The following TOGARAM2 variants were observed in gnomAD, a reference collection of about 807,000 sequenced individuals.
The protein encoded by TOGARAM2 is TOG array regulator of axonemal microtubules 2.
In TOGARAM2, 85 loss-of-function variants were observed where a neutral mutation model predicts 93.3. The ratio of observed to expected loss-of-function variants is 0.91; its 90% CI spans 0.76 to 1.09. The LOEUF is 1.09. Ranked by LOEUF, TOGARAM2 falls within the 50% of genes least tolerant of loss-of-function variation. TOGARAM2 has a pLI of 0.00. For missense variants in TOGARAM2, 1,277 were observed against 1,334.5 expected, an observed-to-expected ratio of 0.96 and a Z score of 0.67; for synonymous variants, 593 against 552.8, an observed-to-expected ratio of 1.07 and a Z score of -1.02.
intron 14 of TOGARAM2, among the ~76,000 whole-genome samples, chr2:29,030,125 TA>T (rs978659968): frequency 2.6e-5 from 4 of 151,652 alleles, no homozygotes; most frequent in Non-Finnish European, 5.9e-5. Context: ...AATACCAAAA[TA>T]TTAGCCGGGC....
In TOGARAM2 at chr2:29,024,379, G is replaced by A; in HGVS notation, c.1853+5G>A. ...CCTCACCTCGGCGGGTGTCTAGTAT[G>A]TGGCTGCCTGTTGTCTGAGGGGCGG... is the stretch of plus-strand genomic sequence containing the variant. On this transcript the variant is annotated splice_donor_5th_base_variant and intron_variant, in intron 13 of 19. Coordinates refer to ENST00000379558, the MANE Select transcript of TOGARAM2 (RefSeq NM_199280.4). 6.3e-7 allele frequency: 1 copy of A among 1,596,838 alleles called. No homozygotes were observed. Among genetic ancestry groups the A allele is most frequent in the African/African-American group, 1.3e-5 (1 of 74,746 alleles).
chr2:28,968,815 C>CAA lies in TOGARAM2; in HGVS notation c.-147+12142_-147+12143dup, dbSNP rs58495032. Among the ~76,000 whole-genome samples, 31 of 41,810 alleles carry CAA rather than the reference C, an allele frequency of 7.4e-4. 2 individuals carry two copies. Among genetic ancestry groups the CAA allele is most frequent in the African/African-American group, 2.0e-3 (24 of 12,040 alleles). 27.4% of individuals were successfully genotyped at this position (41,810 alleles called of 152,430 possible). A position where few individuals can be genotyped will look rare whatever the true frequency, so the allele number is the denominator to read the frequency against. On this transcript the variant is annotated intron_variant, in intron 1 of 6. Transcript: ENST00000401723. Reference sequence around the variant, plus strand: ...CCAGGGTGACAGAGTGAGACTCTGTCAAAAAAAAAAAAAAAAAAAAAAAAA... The same window carrying CAA: ...CCAGGGTGACAGAGTGAGACTCTGTCAAAAAAAAAAAAAAAAAAAAAAAAAAA...
In TOGARAM2 at chr2:29,022,204, A is replaced by G; in HGVS notation, c.1407A>G (p.Glu469=). ...TCACGTTGGGGTCTCCTGAATGGGAAGAAGAGGAGGAGATGGATCTTAGAG... is the reference window on the plus strand; with the variant it reads ...TCACGTTGGGGTCTCCTGAATGGGAGGAAGAGGAGGAGATGGATCTTAGAG... ...AVLTLGSPEW[E]EEEEMDLRAC... The change falls in exon 11 of 20, where the codon GAA becomes GAG. Residue 469 remains glutamate (E), a synonymous_variant. Coordinates refer to ENST00000379558, the MANE Select transcript of TOGARAM2 (RefSeq NM_199280.4). 8 of 1,614,022 alleles carry G rather than the reference A, an allele frequency of 5.0e-6. No homozygotes were observed. Among genetic ancestry groups the G allele is most frequent in the Non-Finnish European group, 6.8e-6 (8 of 1,179,884 alleles).
intron 1 of TOGARAM2, among the ~76,000 whole-genome samples, chr2:28,993,838 C>T (rs1035754195): frequency 1.3e-5 from 2 of 152,198 alleles, no homozygotes; most frequent in Non-Finnish European, 2.9e-5. Context: ...TTTCTCAGTT[C>T]CTGAGTTGGG....
At chr2:28,996,876 C>CT (rs1453577595) in intron 2 of TOGARAM2, among the ~76,000 whole-genome samples, 1 of 143,504 alleles carries the variant, frequency 7.0e-6, no homozygotes, top group Non-Finnish European at 1.5e-5. Context: ...GGATTTGATT[C>CT]TTTTTTTATT....
rs563781846 is a variant in TOGARAM2 at position 28,975,289 on chromosome 2, T to C, written c.-147+18592T>C. Among the ~76,000 whole-genome samples the C allele has an allele frequency of 3.3e-5, 5 of 151,918 alleles. No individual in the cohort carries two copies. The East Asian group carries it at 7.8e-4, about 24-fold the overall frequency. On this transcript the variant is annotated intron_variant, in intron 1 of 6. Transcript: ENST00000401723. ...CTGCAAGCTCCACCTCCCAGGTTCATGCCATTCTCCTGCCTCAGCCTCCTG... is the reference window on the plus strand; with the variant it reads ...CTGCAAGCTCCACCTCCCAGGTTCACGCCATTCTCCTGCCTCAGCCTCCTG...
chr2:28,985,861 TG>T (rs1411421616), intron 1 of TOGARAM2, among the ~76,000 whole-genome samples: 2 of 152,154 alleles, frequency 1.3e-5, no homozygotes, highest in Non-Finnish European at 2.9e-5. Context: ...CCCAGCATTT[TG>T]GGAGGCTGAG....
chr2:28,983,198 A>ATTTT (rs57949744), intron 1 of TOGARAM2, among the ~76,000 whole-genome samples: 3 of 56,626 alleles, frequency 5.3e-5, no homozygotes, highest in African/African-American at 2.5e-4. Context: ...ATATATATAT[A>ATTTT]TTTTTTTTTT....
At chr2:29,016,448 A>G (rs1664576572) in intron 8 of TOGARAM2, among the ~76,000 whole-genome samples, 1 of 152,206 alleles carries the variant, frequency 6.6e-6, no homozygotes, top group African/African-American at 2.4e-5. Flanking sequence ...AGATATTATC[A>G]CTGGGGAAGG....
At chr2:28,972,298 AG>A (rs773524337) in intron 1 of TOGARAM2, 1 of 152,150 alleles carries the variant, frequency 6.6e-6, no homozygotes, top group Non-Finnish European at 1.5e-5. Flanking sequence ...CATGTTGCCT[AG>A]GGTGGTTTTG....
chr2:29,012,925 C>A (rs994860677), intron 7 of TOGARAM2, among the ~76,000 whole-genome samples: 24 of 152,230 alleles, frequency 1.6e-4, no homozygotes, highest in Non-Finnish European at 2.8e-4. Flanking sequence ...CCTCTTCCCC[C>A]TTGGCCCTTG....
chr2:28,966,949 A>G (rs1671874797), intron 1 of TOGARAM2, among the ~76,000 whole-genome samples: 1 of 152,326 alleles, frequency 6.6e-6, no homozygotes, highest in East Asian at 1.9e-4. Flanking sequence ...GAGAAATTTC[A>G]TATGTAAAAG....
At position 28,999,248 on chromosome 2, in the gene TOGARAM2, C is replaced by G; in HGVS notation, c.207C>G (p.Leu69=). 2.5e-6 allele frequency: 4 copies of G among 1,613,808 alleles called. No individual in the cohort carries two copies. Among genetic ancestry groups the G allele is most frequent in the Non-Finnish European group, 3.4e-6 (4 of 1,179,842 alleles). The change falls in exon 4 of 20, where the codon CTC becomes CTG. Residue 69 remains leucine (L), a synonymous_variant. Coordinates refer to ENST00000379558, the MANE Select transcript of TOGARAM2 (RefSeq NM_199280.4). ...AACCGTCACAGCTCCTGCGTGGACTCGGACAGCTGGGTGGCCTCAAGCTGG... is the reference window on the plus strand; with the variant it reads ...AACCGTCACAGCTCCTGCGTGGACTGGGACAGCTGGGTGGCCTCAAGCTGG... ...NEEPSQLLRG[L]GQLGGLKLDT...
intron 6 of TOGARAM2, among the ~76,000 whole-genome samples, chr2:29,010,052 TG>T (rs35454248): frequency 8.9e-6 from 1 of 112,914 alleles, no homozygotes. Flanking sequence ...TGTGTGTGTG[TG>T]TGTTGGGGGG....
intron 1 of TOGARAM2, among the ~76,000 whole-genome samples, chr2:28,957,890 G>A (rs184484417): frequency 3.3e-5 from 5 of 152,264 alleles, no homozygotes; most frequent in Admixed American, 2.6e-4. Context: ...ATTTGACACA[G>A]TGTTGAATGT....
chr2:29,038,088 T>C (rs1279346696), intron 18 of TOGARAM2, among the ~76,000 whole-genome samples: 1 of 152,138 alleles, frequency 6.6e-6, no homozygotes, highest in East Asian at 1.9e-4. Flanking sequence ...ATCTAGTGTC[T>C]CATACTGTCA....
At chr2:29,033,732 C>A (rs1342660869) in intron 16 of TOGARAM2, among the ~76,000 whole-genome samples, 169 bp downstream of exon 16, 1 of 152,134 alleles carries the variant, frequency 6.6e-6, no homozygotes, top group African/African-American at 2.4e-5. Flanking sequence ...TGTGTTCCCC[C>A]CAACCCAAAT....
chr2:29,013,754 AGGATGG>A (rs1664391940), intron 7 of TOGARAM2, among the ~76,000 whole-genome samples: 1 of 152,222 alleles, frequency 6.6e-6, no homozygotes, highest in Non-Finnish European at 1.5e-5. Context: ...ACCCACACTG[AGGATGG>A]GTCCTCCTCT....
intron 13 of TOGARAM2, among the ~76,000 whole-genome samples, chr2:29,024,939 G>A (rs1665250411): frequency 6.6e-6 from 1 of 152,192 alleles, no homozygotes; most frequent in African/African-American, 2.4e-5. Flanking sequence ...TTGGGTTCCT[G>A]TTGGAGCCTT....
Sources: gnomAD v4.1 joint callset for allele counts (sites outside exome capture counted in the v4.1 genomes callset) on GRCh38, gnomAD v4.1.1 for gene constraint, MANE v1.5 for transcripts, NCBI Gene and HGNC (gene_info 2026-07-23, HGNC 2026-07-21) for gene names.